ASAP1: variants seen among roughly 807,000 people sequenced by gnomAD.
The protein encoded by ASAP1 is ArfGAP with SH3 domain, ankyrin repeat and PH domain 1, also known as arf-GAP with SH3 domain, ANK repeat and PH domain-containing protein 1.
ASAP1 carries 43 observed loss-of-function variants against 145.2 expected under a neutral mutation model. The ratio of observed to expected loss-of-function variants is 0.30; its 90% CI spans 0.23 to 0.38. ASAP1 has a LOEUF of 0.38. Ranked by LOEUF, ASAP1 falls within the 10% of genes least tolerant of loss-of-function variation. ASAP1 has a pLI of 1.00. For synonymous variants in ASAP1, 546 were observed against 515.5 expected, an observed-to-expected ratio of 1.06 and a Z score of -0.80; for missense variants, 1,018 against 1,355.3, an observed-to-expected ratio of 0.75 and a Z score of 3.91.
chr8:130,166,135 T>C (rs976461194), intron 11 of ASAP1, among the ~76,000 whole-genome samples: 3 of 152,164 alleles, frequency 2.0e-5, no homozygotes, highest in Non-Finnish European at 2.9e-5. Flanking sequence ...GCTTCCCTAG[T>C]AGCTGGGACT....
intron 2 of ASAP1, among the ~76,000 whole-genome samples, chr8:130,390,684 C>G (rs1296164634): frequency 1.3e-5 from 2 of 152,144 alleles, no homozygotes; most frequent in Non-Finnish European, 2.9e-5. Context: ...AAATACAAAG[C>G]TGAAAATGGA....
At chr8:130,414,064 C>T (rs1360366560) in intron 1 of ASAP1, among the ~76,000 whole-genome samples, 9 of 152,126 alleles carry the variant, frequency 5.9e-5, no homozygotes, top group Admixed American at 5.2e-4. Flanking sequence ...ATACAGAGGA[C>T]TGGATAGTGA....
chr8:130,272,310 G>T (rs899816939), intron 3 of ASAP1, among the ~76,000 whole-genome samples: 9 of 152,078 alleles, frequency 5.9e-5, no homozygotes, highest in African/African-American at 1.9e-4. Flanking sequence ...AGTTAGAATG[G>T]CCATTAAAAA....
At chr8:130,215,303 A>G (rs1330224486) in intron 4 of ASAP1, among the ~76,000 whole-genome samples, 1 of 152,218 alleles carries the variant, frequency 6.6e-6, no homozygotes, top group East Asian at 1.9e-4. Context: ...CAAGCAATTA[A>G]GAAACTATGA....
chr8:130,109,643 A>G (rs2097543509), intron 24 of ASAP1, among the ~76,000 whole-genome samples: 1 of 152,188 alleles, frequency 6.6e-6, no homozygotes, highest in Admixed American at 6.5e-5. Flanking sequence ...GCTCAACAGA[A>G]GGAAATGAAA....
Position 130,395,667 on chromosome 8 carries a change from A to C in ASAP1, c.59+6218T>G, listed in dbSNP as rs182379993. On this transcript the variant is annotated intron_variant, in intron 2 of 29. Transcript: ENST00000518721. ...TCTGGCCTCCAAACTGTGAGACAAT[A>C]CATTTCTTTTTTTTTTTGAGACAGA... 5.2e-5 allele frequency among the ~76,000 whole-genome samples: 7 copies of C among 135,514 alleles called. No homozygotes were observed. The East Asian group carries it at 1.5e-3, about 29-fold the overall frequency. 88.9% of individuals were successfully genotyped at this position (135,514 alleles called of 152,430 possible).
intron 1 of ASAP1, among the ~76,000 whole-genome samples, chr8:130,403,758 C>A (rs569813580): frequency 6.6e-6 from 1 of 151,862 alleles, no homozygotes; most frequent in East Asian, 1.9e-4. Context: ...TTCGCCATGT[C>A]GAGCAGGCTG....
At chr8:130,217,456 T>TATGTATATATACACGTATATATAC (rs1816999088) in intron 4 of ASAP1, among the ~76,000 whole-genome samples, 1 of 152,074 alleles carries the variant, frequency 6.6e-6, no homozygotes, top group African/African-American at 2.4e-5. Flanking sequence ...TATGTGTATA[T>TATGTATATATACACGTATATATAC]ATGTATATAT....
rs755789756 is a variant in ASAP1 at position 130,085,659 on chromosome 8, C to T, written c.2573-5688G>A. ...CTGAGATGGGAGGATCACTTGGGCC[C>T]GGGAGGTTGAGGCTACAATAAGCCA... On this transcript the variant is annotated intron_variant, in intron 25 of 29. Coordinates refer to ENST00000518721, the MANE Select transcript of ASAP1 (RefSeq NM_018482.4). 8.2e-5 allele frequency among the ~76,000 whole-genome samples: 12 copies of T among 146,914 alleles called. No homozygotes were observed. The East Asian group carries it at 1.7e-3, about 20-fold the overall frequency.
intron 3 of ASAP1, among the ~76,000 whole-genome samples, chr8:130,339,997 C>T (rs1021246606): frequency 2.0e-5 from 3 of 152,154 alleles, no homozygotes; most frequent in Admixed American, 6.5e-5. Flanking sequence ...TCAAGGCTTC[C>T]GTGTGTGTAC....
intron 3 of ASAP1, among the ~76,000 whole-genome samples, chr8:130,284,320 T>C (rs1305345542): frequency 6.6e-6 from 1 of 152,112 alleles, no homozygotes; most frequent in East Asian, 1.9e-4. Flanking sequence ...TTCTAGACAG[T>C]AGTCAAAACG....
chr8:130,324,390 T>C (rs978685541), intron 3 of ASAP1, among the ~76,000 whole-genome samples: 1 of 152,142 alleles, frequency 6.6e-6, no homozygotes, highest in Non-Finnish European at 1.5e-5. Context: ...GATGAAAAGG[T>C]TGAATATCAT....
intron 3 of ASAP1, among the ~76,000 whole-genome samples, chr8:130,249,713 C>G (rs1371105347): frequency 1.3e-5 from 2 of 152,128 alleles, no homozygotes; most frequent in East Asian, 1.9e-4. Flanking sequence ...ACCAGACACA[C>G]ATATGTATGT....
chr8:130,333,774 T>C lies in ASAP1; in HGVS notation c.186+24243A>G, dbSNP rs181068707. 2.6e-5 allele frequency among the ~76,000 whole-genome samples: 4 copies of C among 152,330 alleles called. No individual in the cohort carries two copies. The East Asian group carries it at 7.7e-4, about 29-fold the overall frequency. Reference sequence around the variant, plus strand: ...CAGATAAAATTATCAGACTATTAGATGCATTTATTCATTCAGTAGTATTTC... The same window carrying C: ...CAGATAAAATTATCAGACTATTAGACGCATTTATTCATTCAGTAGTATTTC... On this transcript the variant is annotated intron_variant, in intron 3 of 29. Coordinates refer to ENST00000518721, the MANE Select transcript of ASAP1 (RefSeq NM_018482.4).
At chr8:130,400,994 C>T (rs562779255) in intron 2 of ASAP1, among the ~76,000 whole-genome samples, 18 of 152,110 alleles carry the variant, frequency 1.2e-4, no homozygotes, top group African/African-American at 4.3e-4. Context: ...GATTCTCCCT[C>T]CTCAGCCTCC....
chr8:130,320,303 C>T (rs1823919680), intron 3 of ASAP1, among the ~76,000 whole-genome samples: 1 of 152,138 alleles, frequency 6.6e-6, no homozygotes, highest in South Asian at 2.1e-4. Context: ...CGCCTGTAAT[C>T]CCAGCACTTT....
intron 27 of ASAP1, among the ~76,000 whole-genome samples, chr8:130,064,437 G>C (rs1380010572): frequency 1.3e-5 from 2 of 152,114 alleles, no homozygotes; most frequent in African/African-American, 4.8e-5. Context: ...TTAACAGACG[G>C]GGACACTGAG....
intron 28 of ASAP1, 100 bp from the exon 29 acceptor site, chr8:130,058,176 C>A: frequency 8.5e-6 from 11 of 1,291,042 alleles, no homozygotes; most frequent in South Asian, 5.2e-5. Context: ...AGTAACTTAA[C>A]CTCGCTGAGC....
At chr8:130,154,785 T>G (rs1241416587) in intron 12 of ASAP1, among the ~76,000 whole-genome samples, 1 of 152,190 alleles carries the variant, frequency 6.6e-6, no homozygotes, top group Admixed American at 6.5e-5. Flanking sequence ...AAATGCAAAT[T>G]GAACATACTG....
Sources: allele counts gnomAD v4.1 joint callset (sites outside exome capture counted in the v4.1 genomes callset), GRCh38; gene constraint gnomAD v4.1.1; transcripts MANE v1.5; gene names NCBI Gene and HGNC (gene_info 2026-07-23, HGNC 2026-07-21).